CAST: variants seen among roughly 807,000 people sequenced by gnomAD.
CAST encodes calpastatin.
CAST carries 76 observed loss-of-function variants against 119.6 expected under a neutral mutation model. The observed-to-expected ratio is 0.64, with a 90% CI of 0.53 to 0.77. The LOEUF is 0.77. Ranked by LOEUF, CAST falls within the 30% of genes least tolerant of loss-of-function variation. The pLI is 0.00. For synonymous variants in CAST, 319 were observed against 331.6 expected, an observed-to-expected ratio of 0.96 and a Z score of 0.41; for missense variants, 953 against 946.5, an observed-to-expected ratio of 1.01 and a Z score of -0.09.
At chr5:96,335,102 A>G in the CAST span, among the ~76,000 whole-genome samples, 2 of 152,186 alleles carry the variant, frequency 1.3e-5, no homozygotes, top group African/African-American at 4.8e-5. Flanking sequence ...TTGCAGGGGT[A>G]TGTCCTCTTC....
chr5:96,429,741 A>G, the CAST span, among the ~76,000 whole-genome samples: 1 of 152,184 alleles, frequency 6.6e-6, no homozygotes, highest in Non-Finnish European at 1.5e-5. Flanking sequence ...TTTGCCAACA[A>G]TAATGGCCTC....
chr5:96,162,042 A>G, the CAST span, among the ~76,000 whole-genome samples: 7 of 152,196 alleles, frequency 4.6e-5, no homozygotes, highest in Non-Finnish European at 1.0e-4. Flanking sequence ...TGTATACAAG[A>G]TCATCTTATC....
At chr5:96,736,796 TA>T (rs1201067014) in intron 10 of CAST, among the ~76,000 whole-genome samples, 1 of 152,168 alleles carries the variant, frequency 6.6e-6, no homozygotes, top group African/African-American at 2.4e-5. Flanking sequence ...GTCATCAACA[TA>T]AAAAATAGAT....
chr5:95,974,630 G>GCTTGAGGGGATAGCTTCACATAT, the CAST span, among the ~76,000 whole-genome samples: 1 of 152,218 alleles, frequency 6.6e-6, no homozygotes, highest in Admixed American at 6.5e-5. Context: ...ATTATTAAGT[G>GCTTGAGGGGATAGCTTCACATAT]CTTGAGGGGA....
At chr5:96,360,974 G>C in the CAST span, among the ~76,000 whole-genome samples, 16 of 152,320 alleles carry the variant, frequency 1.1e-4, no homozygotes, top group African/African-American at 3.8e-4. Context: ...CCTAATGGGA[G>C]TTTTATCTAT....
chr5:96,118,965 T>C, the CAST span, among the ~76,000 whole-genome samples: 1 of 152,122 alleles, frequency 6.6e-6, no homozygotes, highest in Non-Finnish European at 1.5e-5. Flanking sequence ...CTGGACATTA[T>C]ACAGAGAGCA....
At chr5:96,500,064 C>T in the CAST span, among the ~76,000 whole-genome samples, 1 of 152,118 alleles carries the variant, frequency 6.6e-6, no homozygotes, top group African/African-American at 2.4e-5. Context: ...TTCGCCGCCT[C>T]ATATGGGAGC....
the CAST span, among the ~76,000 whole-genome samples, chr5:96,372,445 A>G: frequency 2.0e-5 from 3 of 152,104 alleles, no homozygotes; most frequent in Non-Finnish European, 4.4e-5. Context: ...AGACATGAGA[A>G]CCTGCAGGAG....
chr5:96,236,340 G>A, the CAST span, among the ~76,000 whole-genome samples: 1 of 152,312 alleles, frequency 6.6e-6, no homozygotes, highest in South Asian at 2.1e-4. Flanking sequence ...TGGCCTGGCT[G>A]TTTGTACCCT....
At chr5:96,439,279 A>AT in the CAST span, among the ~76,000 whole-genome samples, 5 of 152,236 alleles carry the variant, frequency 3.3e-5, no homozygotes, top group South Asian at 2.1e-4. Flanking sequence ...CAAAGAAGGG[A>AT]TTTTTTTAAG....
At chr5:96,004,487 G>GT in the CAST span, among the ~76,000 whole-genome samples, 1 of 152,206 alleles carries the variant, frequency 6.6e-6, no homozygotes, top group Non-Finnish European at 1.5e-5. Flanking sequence ...TATTATATAA[G>GT]TGTTCTCTAA....
chr5:96,071,819 G>A, the CAST span, among the ~76,000 whole-genome samples: 1 of 152,002 alleles, frequency 6.6e-6, no homozygotes, highest in Non-Finnish European at 1.5e-5. Context: ...GCTATGACTG[G>A]GACTTAATTC....
the CAST span, among the ~76,000 whole-genome samples, chr5:96,034,511 G>GCACA: frequency 0.088 from 5,714 of 65,216 alleles, 241 homozygotes; most frequent in East Asian, 0.1. Context: ...ACACACATAT[G>GCACA]TGTGTGTGTA....
chr5:96,469,831 A>G, the CAST span, among the ~76,000 whole-genome samples: 1 of 144,920 alleles, frequency 6.9e-6, no homozygotes, highest in African/African-American at 2.5e-5. Flanking sequence ...AGGGAGAAAG[A>G]CAGAGAGAGA....
intron 1 of CAST, among the ~76,000 whole-genome samples, chr5:96,647,541 G>A (rs1320326125): frequency 6.6e-6 from 1 of 152,100 alleles, no homozygotes; most frequent in African/African-American, 2.4e-5. Flanking sequence ...ATATGTTGAA[G>A]TCCTAACCCC....
chr5:96,085,993 C>G, the CAST span, among the ~76,000 whole-genome samples: 1 of 152,224 alleles, frequency 6.6e-6, no homozygotes, highest in African/African-American at 2.4e-5. Context: ...CTTCCAGGAC[C>G]TCCCCTGAAA....
At chr5:96,436,285 T>C in the CAST span, among the ~76,000 whole-genome samples, 1 of 152,194 alleles carries the variant, frequency 6.6e-6, no homozygotes, top group Non-Finnish European at 1.5e-5. Flanking sequence ...TGGGGTAAAC[T>C]GGAGGAAATT....
rs570706289 is a variant in CAST at position 96,623,385 on chromosome 5, C to CAAA, written c.61-52152_61-52151insAAA. ...CCCTTGAATTTATTCTTTCAAAAGC[C>CAAA]AATAATAATAATAGCTGCCCAGCAA... On this transcript the variant is annotated intron_variant, in intron 1 of 11. Coordinates refer to the CAST transcript ENST00000505143. Among the ~76,000 whole-genome samples, 157 of 152,202 alleles carry CAAA rather than the reference C, an allele frequency of 1.0e-3. 3 individuals are homozygous for CAAA. Among genetic ancestry groups the CAAA allele is most frequent in the Admixed American group, 9.0e-3 (137 of 15,288 alleles).
chr5:96,006,345 C>T, the CAST span, among the ~76,000 whole-genome samples: 6 of 150,502 alleles, frequency 4.0e-5, no homozygotes, highest in African/African-American at 1.5e-4. Context: ...ACACTAACAC[C>T]AACAATAGCT....
Sources: allele counts gnomAD v4.1 joint callset (sites outside exome capture counted in the v4.1 genomes callset), GRCh38; gene constraint gnomAD v4.1.1; transcripts MANE v1.5; gene names NCBI Gene and HGNC (gene_info 2026-07-23, HGNC 2026-07-21).